NFATC1: variants seen among roughly 807,000 people sequenced by gnomAD.
The protein encoded by NFATC1 is nuclear factor of activated T-cells, cytoplasmic 1.
Under a neutral mutation model 76.0 loss-of-function variants are expected in NFATC1, and 22 were observed. The observed-to-expected ratio is 0.29, with a 90% CI of 0.21 to 0.41. The LOEUF is 0.41. NFATC1 is among the 10% of genes least tolerant of loss of function. The pLI is 1.00. For synonymous variants in NFATC1, 704 were observed against 613.1 expected (o/e 1.15, Z -2.19); for missense variants, 1,357 against 1,337.7 (o/e 1.01, Z -0.23).
chr18:79,525,694 C>T (rs1301941741), intron 9 of NFATC1, among the ~76,000 whole-genome samples: 3 of 152,206 alleles, frequency 2.0e-5, no homozygotes, highest in Non-Finnish European at 4.4e-5. Context: ...TGACTGGAGT[C>T]CTTTCTTTTG....
rs1297348603 is a variant in NFATC1, at chr18:79,528,570, A to G, written c.*993A>G. On this transcript the variant is annotated 3_prime_UTR_variant, in exon 10 of 10. Transcript: ENST00000427363. ...TCTCACGCAGTTCGAGGAGGACCCT[A>G]GAAAGCCAGGAGCTGTGATTGACAG... The G allele has an allele frequency of 6.6e-6, 1 of 152,242 alleles. No homozygotes were observed. Among genetic ancestry groups the G allele is most frequent in the Non-Finnish European group, 1.5e-5 (1 of 68,038 alleles). The allele number at this position is 152,242 out of a possible 1,614,324, so 9.4% of individuals were successfully genotyped here. A position where few individuals can be genotyped will look rare whatever the true frequency, so the allele number is the denominator to read the frequency against.
At chr18:79,443,366 T>A (rs1184419939) in intron 3 of NFATC1, among the ~76,000 whole-genome samples, 1 of 152,198 alleles carries the variant, frequency 6.6e-6, no homozygotes, top group Non-Finnish European at 1.5e-5. Flanking sequence ...AATCGGTCAG[T>A]CACACGGATT....
intron 1 of NFATC1, among the ~76,000 whole-genome samples, chr18:79,399,593 G>C (rs943732513): frequency 1.3e-5 from 2 of 152,330 alleles, no homozygotes; most frequent in East Asian, 3.9e-4. Context: ...GCACAGGCTC[G>C]GGCCGCCTAG....
chr18:79,501,273 C>T (rs978788493), intron 9 of NFATC1, among the ~76,000 whole-genome samples: 2 of 152,138 alleles, frequency 1.3e-5, no homozygotes, highest in African/African-American at 4.8e-5. Context: ...TTAACAAAAT[C>T]CAACACCAAC....
At position 79,410,075 on chromosome 18, in the gene NFATC1, A is replaced by C; in HGVS notation, c.128-328A>C. 1.5e-6 allele frequency: 1 copy of C among 657,898 alleles called. No homozygotes were observed. Among genetic ancestry groups the C allele is most frequent in the Non-Finnish European group, 2.9e-6 (1 of 348,948 alleles). The allele number at this position is 657,898 out of a possible 1,614,324, so 40.8% of individuals were successfully genotyped here. A position where few individuals can be genotyped will look rare whatever the true frequency, so the allele number is the denominator to read the frequency against. ...CGGATGAAGATGGGGTGGTTGGGGA[A>C]GGTGGTTTTTGAATGAAGAGCGGAA... is the stretch of plus-strand genomic sequence containing the variant. On this transcript the variant is annotated intron_variant, in intron 1 of 9. Transcript: ENST00000427363. The surrounding 1 kb of genome is among the most constrained non-coding windows in gnomAD (Gnocchi z 6.7).
At chr18:79,495,910 G>T (rs1204825540) in intron 9 of NFATC1, 2 of 151,788 alleles carry the variant, frequency 1.3e-5, no homozygotes, top group African/African-American at 4.8e-5. Flanking sequence ...CAGTAGTAAG[G>T]CGCCCGCGGG....
intron 8 of NFATC1, among the ~76,000 whole-genome samples, chr18:79,480,161 C>T (rs995757765): frequency 4.6e-5 from 7 of 152,276 alleles, no homozygotes; most frequent in South Asian, 2.1e-4. Context: ...GGGGCACGTG[C>T]GGTGATCCCA....
chr18:79,437,519 G>A (rs1404208667), intron 3 of NFATC1, among the ~76,000 whole-genome samples: 1 of 152,216 alleles, frequency 6.6e-6, no homozygotes, highest in Non-Finnish European at 1.5e-5. Context: ...CTGGTTGCAG[G>A]GGAGGCTGAG....
chr18:79,468,118 C>A (rs1439989100), intron 8 of NFATC1: 1 of 396,572 alleles, frequency 2.5e-6, no homozygotes, highest in Non-Finnish European at 3.4e-6. Flanking sequence ...GGCTGGGGCA[C>A]CTTCTCCTCA....
rs549330233 is a variant in NFATC1 at position 79,424,915 on chromosome 18, C to G, written c.1227-8664C>G. On this transcript the variant is annotated intron_variant, in intron 2 of 9. Transcript: ENST00000427363. ...TCTCTGTTTCTCCATTTCTCTGTCG[C>G]TCTGTCTCTCTGTGTCTCTCTCTGT... 5.0e-5 allele frequency among the ~76,000 whole-genome samples: 7 copies of G among 138,794 alleles called. 1 individual carries two copies. The highest frequency in any genetic ancestry group is 1.2e-4 in the Non-Finnish European group (7 of 60,056). The allele number at this position is 138,794 out of a possible 152,430, so 91.1% of individuals were successfully genotyped here. A position where few individuals can be genotyped will look rare whatever the true frequency, so the allele number is the denominator to read the frequency against.
At chr18:79,426,791 G>A (rs1453098970) in intron 2 of NFATC1, among the ~76,000 whole-genome samples, 1 of 152,244 alleles carries the variant, frequency 6.6e-6, no homozygotes, top group Non-Finnish European at 1.5e-5. Flanking sequence ...GGGAAGCTGG[G>A]GGGAGGCAAT....
rs1413868236 is a variant in NFATC1 at position 79,467,273 on chromosome 18, C to T, written c.1960-177C>T. ...GCCCAGGTGGCTGCTTGGGAGTTTA[C>T]CGTCACGGCAGTCCTGTGCTGCCGT... On this transcript the variant is annotated intron_variant, in intron 7 of 9. Coordinates refer to ENST00000427363, the MANE Select transcript of NFATC1 (RefSeq NM_001278669.2). Among the ~76,000 whole-genome samples the T allele has an allele frequency of 1.3e-5, 2 of 148,168 alleles. 1 individual carries two copies. The highest frequency in any genetic ancestry group is 5.3e-5 in the African/African-American group (2 of 37,784).
chr18:79,413,962 T>C (rs1247587007), intron 2 of NFATC1, among the ~76,000 whole-genome samples: 2 of 152,150 alleles, frequency 1.3e-5, no homozygotes, highest in African/African-American at 4.8e-5. Context: ...TTCTGAGTGT[T>C]CACACAAACA....
chr18:79,427,312 C>T (rs907484928), intron 2 of NFATC1, among the ~76,000 whole-genome samples: 5 of 151,756 alleles, frequency 3.3e-5, no homozygotes, highest in Non-Finnish European at 7.4e-5. Flanking sequence ...AATTTGCCAG[C>T]ATGTGCAACA....
chr18:79,401,451 C>T (rs1049826266), intron 1 of NFATC1, among the ~76,000 whole-genome samples: 1 of 152,088 alleles, frequency 6.6e-6, no homozygotes, highest in African/African-American at 2.4e-5. Flanking sequence ...CCCCAAATGT[C>T]TTCCCTGCCT....
intron 9 of NFATC1, among the ~76,000 whole-genome samples, chr18:79,523,414 C>T (rs1405766600): frequency 1.3e-5 from 2 of 152,212 alleles, no homozygotes; most frequent in African/African-American, 4.8e-5. Flanking sequence ...GTTTAAATGT[C>T]AACTTTCTTT....
chr18:79,453,982 C>T (rs981768515), intron 6 of NFATC1, among the ~76,000 whole-genome samples: 5 of 152,208 alleles, frequency 3.3e-5, no homozygotes, highest in South Asian at 2.1e-4. Context: ...ATCCTGGCAA[C>T]GAGAGAAACC....
chr18:79,399,570 G>A (rs891018354), intron 1 of NFATC1, among the ~76,000 whole-genome samples: 2 of 152,240 alleles, frequency 1.3e-5, no homozygotes, highest in African/African-American at 2.4e-5. Context: ...CCGGCTTTCC[G>A]GATCCCCGCC....
chr18:79,501,247 G>A (rs965509843), intron 9 of NFATC1, among the ~76,000 whole-genome samples: 9 of 152,076 alleles, frequency 5.9e-5, no homozygotes, highest in African/African-American at 2.2e-4. Flanking sequence ...TTCAATAAAT[G>A]CAAGAAAAAA....
Sources: gnomAD v4.1 joint callset for allele counts (sites outside exome capture counted in the v4.1 genomes callset) on GRCh38, gnomAD v4.1.1 for gene constraint, Gnocchi (gnomAD v3.1) non-coding constraint, MANE v1.5 for transcripts, NCBI Gene and HGNC (gene_info 2026-07-23, HGNC 2026-07-21) for gene names.